VEPH1: variants seen among roughly 807,000 people sequenced by gnomAD.
VEPH1 encodes the protein ventricular zone-expressed PH domain-containing protein homolog 1.
VEPH1 carries 80 observed loss-of-function variants against 85.2 expected under a neutral mutation model. The observed-to-expected ratio is 0.94, with a 90% CI of 0.78 to 1.13. The LOEUF (loss-of-function observed/expected upper bound fraction) is 1.13, where lower values mean the gene tolerates loss of function less well. Ranked by LOEUF, VEPH1 falls within the 50% of genes most tolerant of loss-of-function variation. The pLI is 0.00. For synonymous variants in VEPH1, 297 were observed against 348.0 expected, an observed-to-expected ratio of 0.85 and a Z score of 1.63; for missense variants, 955 against 980.5, an observed-to-expected ratio of 0.97 and a Z score of 0.35.
intron 9 of VEPH1, among the ~76,000 whole-genome samples, chr3:157,345,650 T>C (rs1461054454): frequency 6.6e-6 from 1 of 152,216 alleles, no homozygotes; most frequent in Admixed American, 6.5e-5. Context: ...GAACTAGAAA[T>C]ACCATTTGAC....
At chr3:157,325,479 C>G (rs1721800442) in intron 9 of VEPH1, among the ~76,000 whole-genome samples, 1 of 152,058 alleles carries the variant, frequency 6.6e-6, no homozygotes, top group African/African-American at 2.4e-5. Context: ...TTGGGTTTTT[C>G]ATTTAAGTCT....
intron 1 of VEPH1, among the ~76,000 whole-genome samples, chr3:157,498,871 T>G (rs1739881892): frequency 6.6e-6 from 1 of 152,248 alleles, no homozygotes; most frequent in East Asian, 1.9e-4. Context: ...TGTGTGCACG[T>G]GTACATATAC....
chr3:157,455,230 T>G (rs193085318), intron 4 of VEPH1, among the ~76,000 whole-genome samples: 77 of 152,314 alleles, frequency 5.1e-4, no homozygotes, highest in African/African-American at 1.4e-3. Flanking sequence ...AAGCGTTCTC[T>G]TTTCTCTGCA....
intron 9 of VEPH1, among the ~76,000 whole-genome samples, chr3:157,329,126 A>T (rs561526787): frequency 6.6e-6 from 1 of 152,356 alleles, no homozygotes; most frequent in Non-Finnish European, 1.5e-5. Context: ...AATCTTATAA[A>T]TTATATATCA....
At chr3:157,421,162 G>T (rs962874575) in intron 5 of VEPH1, among the ~76,000 whole-genome samples, 1 of 152,218 alleles carries the variant, frequency 6.6e-6, no homozygotes, top group Non-Finnish European at 1.5e-5. Flanking sequence ...TAGCCACATC[G>T]TGGAGCTCAC....
intron 13 of VEPH1, among the ~76,000 whole-genome samples, chr3:157,264,704 T>A (rs1036234307): frequency 9.2e-5 from 14 of 152,324 alleles, no homozygotes; most frequent in African/African-American, 3.1e-4. Flanking sequence ...GGTGGCCTAA[T>A]AGGATTGTTT....
intron 9 of VEPH1, among the ~76,000 whole-genome samples, chr3:157,327,429 CATA>C (rs1408488195): frequency 1.3e-5 from 2 of 152,102 alleles, no homozygotes; most frequent in African/African-American, 4.8e-5. Context: ...CAGCTCTAGA[CATA>C]ATGATGGCAC....
chr3:157,319,995 T>G (rs988371814), intron 9 of VEPH1, among the ~76,000 whole-genome samples: 65 of 152,320 alleles, frequency 4.3e-4, no homozygotes, highest in African/African-American at 1.5e-3. Flanking sequence ...TTTTCAGAGC[T>G]TTCTTGGCTT....
At chr3:157,490,203 G>A (rs948256000) in intron 2 of VEPH1, among the ~76,000 whole-genome samples, 1 of 151,726 alleles carries the variant, frequency 6.6e-6, no homozygotes, top group Non-Finnish European at 1.5e-5. Flanking sequence ...AACAGGAGAA[G>A]CTTAATATAA....
intron 4 of VEPH1, among the ~76,000 whole-genome samples, chr3:157,445,491 C>A (rs368963206): frequency 6.6e-6 from 1 of 152,088 alleles, no homozygotes; most frequent in Non-Finnish European, 1.5e-5. Context: ...CATGGTGGTA[C>A]GCACCTGCAG....
intron 4 of VEPH1, among the ~76,000 whole-genome samples, chr3:157,438,542 CA>C (rs1404667912): frequency 2.0e-5 from 3 of 152,114 alleles, no homozygotes; most frequent in African/African-American, 7.2e-5. Flanking sequence ...ATTAGCGCGA[CA>C]GGGGAGGTCG....
intron 6 of VEPH1, among the ~76,000 whole-genome samples, chr3:157,398,505 G>A (rs559688175): frequency 6.9e-4 from 105 of 152,162 alleles, no homozygotes; most frequent in African/African-American, 2.4e-3. Flanking sequence ...ATGGTGGTGC[G>A]CAACTGTAGT....
intron 2 of VEPH1, among the ~76,000 whole-genome samples, chr3:157,475,575 G>T (rs1737391567): frequency 6.6e-6 from 1 of 152,150 alleles, no homozygotes; most frequent in Non-Finnish European, 1.5e-5. Context: ...TAAGCTGTGT[G>T]AACAGGTGAC....
At chr3:157,304,021 T>TATATATA (rs1559939923) in intron 11 of VEPH1, among the ~76,000 whole-genome samples, 2 of 83,992 alleles carry the variant, frequency 2.4e-5, no homozygotes, top group Non-Finnish European at 4.8e-5. Context: ...ATCTTATATT[T>TATATATA]TTTATATATA....
At chr3:157,383,205 C>T (rs1313404940) in intron 6 of VEPH1, among the ~76,000 whole-genome samples, 1 of 152,208 alleles carries the variant, frequency 6.6e-6, no homozygotes, top group Admixed American at 6.5e-5. Flanking sequence ...ATAGGTATGG[C>T]ATGCCTATAA....
chr3:157,410,230 C>T (rs1025608040), intron 6 of VEPH1, among the ~76,000 whole-genome samples: 1 of 152,104 alleles, frequency 6.6e-6, no homozygotes, highest in Non-Finnish European at 1.5e-5. Flanking sequence ...CACAAGGGTC[C>T]TGTGGCTGTC....
chr3:157,470,279 A>G (rs1736800324), intron 3 of VEPH1, 35 bp downstream of exon 3: 2 of 1,599,020 alleles, frequency 1.3e-6, no homozygotes, highest in South Asian at 1.1e-5. Context: ...CTGCCAACTC[A>G]GTATCAAATA....
chr3:157,404,570 G>C (rs1286941610), intron 6 of VEPH1, among the ~76,000 whole-genome samples: 1 of 152,104 alleles, frequency 6.6e-6, no homozygotes, highest in East Asian at 1.9e-4. Context: ...AAAGAGAAGG[G>C]AAACAGCTCA....
At chr3:157,351,164 G>A (rs1035375652) in intron 9 of VEPH1, among the ~76,000 whole-genome samples, 1 of 152,220 alleles carries the variant, frequency 6.6e-6, no homozygotes, top group East Asian at 1.9e-4. Flanking sequence ...TGGTATATAT[G>A]GCCAGGTGAG....
Sources: allele counts gnomAD v4.1 joint callset (sites outside exome capture counted in the v4.1 genomes callset), GRCh38; gene constraint gnomAD v4.1.1; transcripts MANE v1.5; gene names NCBI Gene and HGNC (gene_info 2026-07-23, HGNC 2026-07-21).